Variants in ZFPM1 observed in about 807,000 individuals in gnomAD.
ZFPM1 encodes the protein zinc finger protein, FOG family member 1.
In ZFPM1, 28 loss-of-function variants were observed where a neutral mutation model predicts 46.3. That is an observed-to-expected ratio of 0.60 (90% CI 0.45 to 0.83). ZFPM1 has a LOEUF of 0.83. Among genes scored for constraint, ZFPM1 ranks in the 40% least tolerant of loss-of-function variants. ZFPM1 has a pLI of 0.00. For missense variants in ZFPM1, 1,878 were observed against 1,432.4 expected (o/e 1.31, Z -5.02); for synonymous variants, 957 against 675.9 (o/e 1.42, Z -6.45).
chr16:88,494,510 C>A (rs1474581630), intron 3 of ZFPM1, among the ~76,000 whole-genome samples: 1 of 152,174 alleles, frequency 6.6e-6, no homozygotes, highest in African/African-American at 2.4e-5. Flanking sequence ...ACACCAAACC[C>A]CGCCGTCACC....
At chr16:88,498,076 A>T (rs1268147404) in intron 3 of ZFPM1, among the ~76,000 whole-genome samples, 2 of 152,002 alleles carry the variant, frequency 1.3e-5, no homozygotes, top group Non-Finnish European at 2.9e-5. Context: ...ACGGCGGAGG[A>T]GGGGGCCCTG....
In ZFPM1 at chr16:88,501,336, G is replaced by T. The variant is rs1486708301; in HGVS notation, c.268+12183G>T. Reference sequence around the variant, plus strand: ...GATGGAGATAGCAGACATGGGTGCGGGGCCCTCCCGCAGGTGCTGGTGATG... The same window carrying T: ...GATGGAGATAGCAGACATGGGTGCGTGGCCCTCCCGCAGGTGCTGGTGATG... On this transcript the variant is annotated intron_variant, in intron 3 of 9. Coordinates refer to ENST00000319555, the MANE Select transcript of ZFPM1 (RefSeq NM_153813.3). 1.5e-4 allele frequency among the ~76,000 whole-genome samples: 8 copies of T among 53,570 alleles called. 1 individual carries two copies. Among genetic ancestry groups the T allele is most frequent in the African/African-American group, 3.3e-4 (3 of 9,198 alleles). The allele number at this position is 53,570 out of a possible 152,430, so 35.1% of individuals were successfully genotyped here.
chr16:88,463,256 G>A lies in ZFPM1; in HGVS notation c.40+9578G>A, dbSNP rs79314471. ...GGGACAGGGCCTCACGGTTGATGGCGCATCTATCCTGGACATCCTCAGCCC... is the reference window on the plus strand; with the variant it reads ...GGGACAGGGCCTCACGGTTGATGGCACATCTATCCTGGACATCCTCAGCCC... On this transcript the variant is annotated intron_variant, in intron 1 of 9. Coordinates refer to ENST00000319555, the MANE Select transcript of ZFPM1 (RefSeq NM_153813.3). Among the ~76,000 whole-genome samples, 813 of 152,316 alleles carry A rather than the reference G, an allele frequency of 5.3e-3. 7 individuals carry two copies. The highest frequency in any genetic ancestry group is 0.018 in the African/African-American group (768 of 41,562).
In ZFPM1 at chr16:88,471,278, C is replaced by T. The variant is rs1040500276; in HGVS notation, c.41-14661C>T. On this transcript the variant is annotated intron_variant, in intron 1 of 9. Transcript: ENST00000319555. The surrounding 1 kb of genome is among the most constrained non-coding windows in gnomAD (Gnocchi z 4.1). ...GGGCTGCAGCCATGTGTGACCTCCACCCTCGCGAAGGCCAGCGGCCGCAGG... is the reference window on the plus strand; with the variant it reads ...GGGCTGCAGCCATGTGTGACCTCCATCCTCGCGAAGGCCAGCGGCCGCAGG... Among the ~76,000 whole-genome samples, 1 of 152,268 alleles carries T rather than the reference C, an allele frequency of 6.6e-6. No individual in the cohort carries two copies. Among genetic ancestry groups the T allele is most frequent in the Non-Finnish European group, 1.5e-5 (1 of 68,044 alleles).
rs778017254 is a variant in ZFPM1, at chr16:88,534,882, A to G, written c.2924A>G (p.Tyr975Cys). The G allele has an allele frequency of 1.3e-6, 2 of 1,567,632 alleles. No individual in the cohort carries two copies. Among genetic ancestry groups the G allele is most frequent in the East Asian group, 2.5e-5 (1 of 39,604 alleles). The change falls in exon 10 of 10, where the codon TAC (tyrosine) becomes TGC (cysteine). Residue 975 changes from tyrosine (Y) to cysteine (C), a missense_variant. Transcript: ENST00000319555. ...PAPLPNGNHRYCRLCNIKFSS... is the reference protein window; with the variant it reads ...PAPLPNGNHRCCRLCNIKFSS... ...CCGCTGCCCAACGGCAACCACCGGT[A>G]CTGCCGTCTTTGCAACATCAAGTTC...
rs762225094 is a variant in ZFPM1, at chr16:88,535,031, AG to A, written c.*57del. 1 of 1,353,612 alleles carries A rather than the reference AG, an allele frequency of 7.4e-7. No homozygotes were observed. The highest frequency in any genetic ancestry group is 1.9e-5 in the South Asian group (1 of 53,362). The allele number at this position is 1,353,612 out of a possible 1,614,324, so 83.9% of individuals were successfully genotyped here. On this transcript the variant is annotated 3_prime_UTR_variant, in exon 10 of 10. Transcript: ENST00000319555. ...TTGCACGCCCCGCTGCGATGCGGGG[AG>A]GGGGCCGCCCCCAGGCCGCACGGAC...
At chr16:88,481,489 C>G (rs1254664222) in intron 1 of ZFPM1, among the ~76,000 whole-genome samples, 1 of 141,080 alleles carries the variant, frequency 7.1e-6, no homozygotes. Context: ...CCTTGCTGGG[C>G]CTTGGTTTAC....
In ZFPM1 at chr16:88,535,243, A is replaced by C; in HGVS notation, c.*264A>C. ...TCACATCCAGCCCTGCTGTGTACAC[A>C]GGCCACTGCGGCCCGGAGTGGCTGG... On this transcript the variant is annotated 3_prime_UTR_variant, in exon 10 of 10. Coordinates refer to ENST00000319555, the MANE Select transcript of ZFPM1 (RefSeq NM_153813.3). 3.1e-6 allele frequency: 1 copy of C among 318,928 alleles called. No homozygotes were observed. Among genetic ancestry groups the C allele is most frequent in the Non-Finnish European group, 5.6e-6 (1 of 177,406 alleles). The allele number at this position is 318,928 out of a possible 1,614,324, so 19.8% of individuals were successfully genotyped here.
Position 88,461,240 on chromosome 16 carries a change from T to TGGGGCGGGAGGCCCTGGTGAGGACCGA in ZFPM1, c.40+7563_40+7589dup, listed in dbSNP as rs1567525947. On this transcript the variant is annotated intron_variant, in intron 1 of 9. Coordinates refer to ENST00000319555, the MANE Select transcript of ZFPM1 (RefSeq NM_153813.3). Reference sequence around the variant, plus strand: ...GGGAGGCCTGGTGAGGACCCAGGGGTGGGGCGGGAGGCCCTGGTGAGGACC... The same window carrying TGGGGCGGGAGGCCCTGGTGAGGACCGA: ...GGGAGGCCTGGTGAGGACCCAGGGGTGGGGCGGGAGGCCCTGGTGAGGACCGAGGGGCGGGAGGCCCTGGTGAGGACC... Among the ~76,000 whole-genome samples, 96 of 70,802 alleles carry TGGGGCGGGAGGCCCTGGTGAGGACCGA rather than the reference T, an allele frequency of 1.4e-3. 6 individuals carry two copies. Among genetic ancestry groups the TGGGGCGGGAGGCCCTGGTGAGGACCGA allele is most frequent in the African/African-American group, 5.5e-3 (89 of 16,168 alleles). The allele number at this position is 70,802 out of a possible 152,430, so 46.4% of individuals were successfully genotyped here. A position where few individuals can be genotyped will look rare whatever the true frequency, so the allele number is the denominator to read the frequency against.
chr16:88,531,399 C>T (rs540246111), intron 6 of ZFPM1, among the ~76,000 whole-genome samples: 5 of 152,284 alleles, frequency 3.3e-5, no homozygotes, highest in Middle Eastern at 3.4e-3. Context: ...GTGGTAAATT[C>T]GACAAATCTG....
chr16:88,528,347 C>A, intron 6 of ZFPM1, 109 bp downstream of exon 6: 1 of 1,248,902 alleles, frequency 8.0e-7, no homozygotes, highest in Non-Finnish European at 1.1e-6. Flanking sequence ...TGCAGGCTGC[C>A]GACAGAGTGA....
intron 1 of ZFPM1, among the ~76,000 whole-genome samples, chr16:88,464,151 C>A (rs561613909): frequency 1.3e-5 from 2 of 152,164 alleles, no homozygotes; most frequent in Non-Finnish European, 2.9e-5. Flanking sequence ...GCCTGGGTGC[C>A]GCGTCTCAAG....
intron 2 of ZFPM1, among the ~76,000 whole-genome samples, chr16:88,486,683 A>G (rs917889900): frequency 6.7e-6 from 1 of 148,804 alleles, no homozygotes; most frequent in African/African-American, 2.5e-5. Flanking sequence ...TGCTAGGTAC[A>G]CAGTGGGTGC....
At chr16:88,477,925 G>A (rs555755470) in intron 1 of ZFPM1, among the ~76,000 whole-genome samples, 47 of 152,208 alleles carry the variant, frequency 3.1e-4, no homozygotes, top group African/African-American at 1.0e-3. Context: ...GCTTCAGTGG[G>A]CTTGGCCCTC....
At chr16:88,467,157 C>T (rs954454219) in intron 1 of ZFPM1, among the ~76,000 whole-genome samples, 20 of 152,276 alleles carry the variant, frequency 1.3e-4, no homozygotes, top group African/African-American at 3.9e-4. Flanking sequence ...CATCACACAG[C>T]GGCCAGAGTG....
chr16:88,462,954 A>G (rs571813213), intron 1 of ZFPM1, among the ~76,000 whole-genome samples: 1 of 152,102 alleles, frequency 6.6e-6, no homozygotes, highest in South Asian at 2.1e-4. Context: ...ATCCACACAA[A>G]CAGGGCAGGG....
Position 88,528,186 on chromosome 16 carries a change from C to G in ZFPM1, c.660C>G (p.Leu220=), listed in dbSNP as rs200897341. The change falls in exon 6 of 10, where the codon CTC becomes CTG. Residue 220 remains leucine (L), a synonymous_variant. Transcript: ENST00000319555. The part of the protein sequence containing the change: ...TCPAPAHDLQ[L]LPQQAGMASI... ...CGGCCCCTGCACACGACCTCCAGCTCCTGCCCCAGCAGGCCGGGATGGCCT... is the reference window on the plus strand; with the variant it reads ...CGGCCCCTGCACACGACCTCCAGCTGCTGCCCCAGCAGGCCGGGATGGCCT... 17 of 1,610,426 alleles carry G rather than the reference C, an allele frequency of 1.1e-5. No homozygotes were observed. The highest frequency in any genetic ancestry group is 1.4e-5 in the Non-Finnish European group (16 of 1,179,418).
intron 1 of ZFPM1, among the ~76,000 whole-genome samples, chr16:88,477,195 C>T (rs547990823): frequency 8.3e-4 from 126 of 152,306 alleles, no homozygotes; most frequent in Admixed American, 2.2e-3. Flanking sequence ...ACATGAGTGC[C>T]GGGAAGGGAC....
At chr16:88,521,572 G>C (rs1226787987) in intron 4 of ZFPM1, among the ~76,000 whole-genome samples, 1 of 113,392 alleles carries the variant, frequency 8.8e-6, no homozygotes, top group African/African-American at 3.6e-5. Flanking sequence ...CCTCTCCCCT[G>C]TGCTGTTCCC....
Sources: gnomAD v4.1 joint callset for allele counts (sites outside exome capture counted in the v4.1 genomes callset) on GRCh38, gnomAD v4.1.1 for gene constraint, Gnocchi (gnomAD v3.1) non-coding constraint, MANE v1.5 for transcripts, NCBI Gene and HGNC (gene_info 2026-07-23, HGNC 2026-07-21) for gene names.